The following PXDNL variants were observed in gnomAD, a reference collection of about 807,000 sequenced individuals.
PXDNL encodes probable oxidoreductase PXDNL.
In PXDNL, 145 loss-of-function variants were observed where a neutral mutation model predicts 150.8. The observed-to-expected ratio is 0.96, with a 90% CI of 0.84 to 1.10. PXDNL has a LOEUF of 1.10. Ranked by LOEUF, PXDNL falls within the 50% of genes least tolerant of loss-of-function variation. PXDNL has a pLI of 0.00. For missense variants in PXDNL, 2,087 were observed against 1,873.9 expected (o/e 1.11, Z -2.10); for synonymous variants, 757 against 725.7 (o/e 1.04, Z -0.69).
At chr8:51,784,532 T>A (rs2037443182) in intron 1 of PXDNL, among the ~76,000 whole-genome samples, 1 of 152,200 alleles carries the variant, frequency 6.6e-6, no homozygotes, top group Admixed American at 6.5e-5. Context: ...ATAGAAAATA[T>A]AATAGTCAGA....
intron 12 of PXDNL, among the ~76,000 whole-genome samples, chr8:51,437,706 T>A (rs983477227): frequency 2.0e-5 from 3 of 152,172 alleles, no homozygotes; most frequent in Admixed American, 6.6e-5. Context: ...ATAAAAGCCA[T>A]CTATGATAAA....
intron 4 of PXDNL, among the ~76,000 whole-genome samples, chr8:51,501,822 G>A (rs187081698): frequency 6.6e-6 from 1 of 152,250 alleles, no homozygotes; most frequent in Admixed American, 6.5e-5. Context: ...AAGAGGATGT[G>A]GGGGAGGAGT....
At chr8:51,527,609 T>C (rs1306737818) in intron 4 of PXDNL, among the ~76,000 whole-genome samples, 1 of 152,230 alleles carries the variant, frequency 6.6e-6, no homozygotes, top group Non-Finnish European at 1.5e-5. Context: ...CTAAGTGGTA[T>C]GACTTTTCTA....
rs760836874 is a variant in PXDNL at position 51,409,461 on chromosome 8, C to A, written c.2163G>T (p.Arg721=). The A allele has an allele frequency of 3.1e-6, 5 of 1,612,704 alleles. No individual in the cohort carries two copies. The highest frequency in any genetic ancestry group is 4.2e-6 in the Non-Finnish European group (5 of 1,179,746). ...GGGCGCGGTACTTCGCATGGAAACACCGGTTGGAGCAGTTTGGCAGAGGCC... is the reference window on the plus strand; with the variant it reads ...GGGCGCGGTACTTCGCATGGAAACAACGGTTGGAGCAGTTTGGCAGAGGCC... The part of the protein sequence containing the change: ...ARRPLPNCSN[R]CFHAKYRAHD... Residue 721 remains arginine (R), a synonymous_variant, in exon 17 of 23, where the codon CGG becomes CGT. Coordinates refer to ENST00000356297, the MANE Select transcript of PXDNL (RefSeq NM_144651.5).
At chr8:51,805,833 T>A (rs1460356408) in intron 1 of PXDNL, among the ~76,000 whole-genome samples, 1 of 152,160 alleles carries the variant, frequency 6.6e-6, no homozygotes, top group East Asian at 1.9e-4. Context: ...AACCAGTAAC[T>A]AAGGAAATTA....
chr8:51,563,914 T>C (rs879364721), intron 3 of PXDNL, among the ~76,000 whole-genome samples: 1 of 152,004 alleles, frequency 6.6e-6, no homozygotes, highest in Non-Finnish European at 1.5e-5. Flanking sequence ...TAATAATATA[T>C]GTGAAAATAA....
intron 4 of PXDNL, among the ~76,000 whole-genome samples, chr8:51,540,988 A>G (rs1470213032): frequency 4.6e-5 from 7 of 151,816 alleles, no homozygotes; most frequent in Non-Finnish European, 1.0e-4. Flanking sequence ...AGCTGGTTGC[A>G]GTGGCTTATG....
intron 12 of PXDNL, among the ~76,000 whole-genome samples, chr8:51,427,929 A>G (rs1477392793): frequency 2.6e-5 from 4 of 152,210 alleles, no homozygotes; most frequent in Non-Finnish European, 5.9e-5. Context: ...AAAAGAAGAG[A>G]TAAAACTGTC....
At chr8:51,534,352 T>TGG (rs749660529) in intron 4 of PXDNL, among the ~76,000 whole-genome samples, 4 of 123,440 alleles carry the variant, frequency 3.2e-5, no homozygotes, top group African/African-American at 9.7e-5. Context: ...GGGAGGGAGG[T>TGG]GGGGGGGGGT....
At chr8:51,697,239 G>A (rs1199304849) in intron 1 of PXDNL, among the ~76,000 whole-genome samples, 1 of 151,520 alleles carries the variant, frequency 6.6e-6, no homozygotes, top group East Asian at 1.9e-4. Context: ...GGGAGGCAGA[G>A]GTTGCAGTGA....
At chr8:51,633,533 C>G (rs1167918269) in intron 2 of PXDNL, among the ~76,000 whole-genome samples, 1 of 152,136 alleles carries the variant, frequency 6.6e-6, no homozygotes, top group Non-Finnish European at 1.5e-5. Flanking sequence ...TCTCCTTTCT[C>G]TGCAGCCTTA....
At chr8:51,474,532 T>TA (rs1336956805) in intron 7 of PXDNL, among the ~76,000 whole-genome samples, 1 of 152,208 alleles carries the variant, frequency 6.6e-6, no homozygotes, top group Non-Finnish European at 1.5e-5. Flanking sequence ...ATTATACATT[T>TA]AAAAAATCAA....
At chr8:51,470,766 A>G (rs866655676) in intron 8 of PXDNL, among the ~76,000 whole-genome samples, 3 of 152,184 alleles carry the variant, frequency 2.0e-5, no homozygotes, top group Non-Finnish European at 4.4e-5. Flanking sequence ...TGGTATTGGG[A>G]AAACTGGCTA....
chr8:51,319,988 G>A lies in PXDNL; in HGVS notation c.4295C>T (p.Pro1432Leu), dbSNP rs1282068883. 2 of 1,568,138 alleles carry A rather than the reference G, an allele frequency of 1.3e-6. No individual in the cohort carries two copies. Among genetic ancestry groups the A allele is most frequent in the Admixed American group, 1.9e-5 (1 of 53,446 alleles). Residue 1432 changes from proline to leucine, a missense_variant, in exon 23 of 23, where the codon CCC (proline) becomes CTC (leucine). Coordinates refer to ENST00000356297, the MANE Select transcript of PXDNL (RefSeq NM_144651.5). ...GQVTCVVEIC[P>L]PAPCPSPELV... The stretch of plus-strand genomic sequence containing the variant: ...TTCAGGACTGGGACAGGGAGCCGGG[G>A]GACAAATCTCCACCACACAGGTGAC...
At chr8:51,391,311 T>C (rs1466136243) in intron 17 of PXDNL, among the ~76,000 whole-genome samples, 24 of 151,992 alleles carry the variant, frequency 1.6e-4, no homozygotes, top group South Asian at 6.2e-4. Context: ...CCTGAGGAAT[T>C]GCCACACTGA....
intron 21 of PXDNL, among the ~76,000 whole-genome samples, chr8:51,321,295 C>T (rs915258384): frequency 5.9e-5 from 9 of 152,074 alleles, no homozygotes; most frequent in Non-Finnish European, 1.3e-4. Flanking sequence ...ATTTATTTAA[C>T]AAATATTTAT....
chr8:51,568,733 T>C (rs1249139970), intron 3 of PXDNL, among the ~76,000 whole-genome samples: 1 of 151,940 alleles, frequency 6.6e-6, no homozygotes, highest in East Asian at 1.9e-4. Context: ...TTCCATTACA[T>C]GTATGTTACA....
At chr8:51,684,637 T>C (rs919341509) in intron 1 of PXDNL, among the ~76,000 whole-genome samples, 1 of 152,224 alleles carries the variant, frequency 6.6e-6, no homozygotes, top group African/African-American at 2.4e-5. Context: ...AAATGGGAGT[T>C]TATTCAGGTG....
chr8:51,580,172 C>T (rs190748021), intron 3 of PXDNL, among the ~76,000 whole-genome samples: 8 of 151,886 alleles, frequency 5.3e-5, no homozygotes, highest in Non-Finnish European at 7.4e-5. Flanking sequence ...CAGAGGGAAG[C>T]GAATGCAGCT....
Sources: gnomAD v4.1 joint callset for allele counts (sites outside exome capture counted in the v4.1 genomes callset) on GRCh38, gnomAD v4.1.1 for gene constraint, MANE v1.5 for transcripts, NCBI Gene and HGNC (gene_info 2026-07-23, HGNC 2026-07-21) for gene names.